Variants in SLC22A9 observed in about 807,000 individuals in gnomAD.
SLC22A9 encodes organic anion transporter 7.
SLC22A9 carries 64 observed loss-of-function variants against 50.1 expected under a neutral mutation model. The ratio of observed to expected loss-of-function variants is 1.28; its 90% CI spans 1.04 to 1.57. The LOEUF (loss-of-function observed/expected upper bound fraction) is 1.57. Ranked by LOEUF, SLC22A9 falls within the 40% of genes most tolerant of loss-of-function variation. SLC22A9 has a pLI of 0.00. For missense variants in SLC22A9, 757 were observed against 676.1 expected (o/e 1.12, Z -1.33); for synonymous variants, 261 against 242.5 (o/e 1.08, Z -0.71).
intron 7 of SLC22A9, 137 bp downstream of exon 7, chr11:63,406,848 T>A (rs979457204): frequency 2.0e-6 from 2 of 981,302 alleles, no homozygotes; most frequent in African/African-American, 3.3e-5. Flanking sequence ...ATCTGGGGAT[T>A]TGGGACAGAT....
At chr11:63,377,540 G>A (rs2014485749) in intron 5 of SLC22A9, among the ~76,000 whole-genome samples, 1 of 151,930 alleles carries the variant, frequency 6.6e-6, no homozygotes, top group Admixed American at 6.6e-5. Context: ...AGAATCTCTG[G>A]GACACAGCTA....
At chr11:63,404,446 A>T (rs757696469) in intron 6 of SLC22A9, among the ~76,000 whole-genome samples, 3 of 152,202 alleles carry the variant, frequency 2.0e-5, no homozygotes, top group Non-Finnish European at 2.9e-5. Context: ...TTTGTTAAGT[A>T]GGTAAATCTC....
chr11:63,404,768 T>C (rs1427845603), intron 6 of SLC22A9, among the ~76,000 whole-genome samples: 1 of 152,170 alleles, frequency 6.6e-6, no homozygotes, highest in East Asian at 1.9e-4. Context: ...TTGGGGCTCT[T>C]ATCCGACCCA....
intron 6 of SLC22A9, among the ~76,000 whole-genome samples, chr11:63,393,478 A>G (rs1304947867): frequency 6.6e-6 from 1 of 152,192 alleles, no homozygotes; most frequent in East Asian, 1.9e-4. Flanking sequence ...AGGAGTGGTG[A>G]GAGTGGGCAT....
chr11:63,372,834 A>G (rs1301342743), intron 2 of SLC22A9, among the ~76,000 whole-genome samples: 2 of 152,326 alleles, frequency 1.3e-5, no homozygotes, highest in East Asian at 1.9e-4. Flanking sequence ...GTAAACTTAC[A>G]TCCTGCCAAC....
intron 5 of SLC22A9, among the ~76,000 whole-genome samples, chr11:63,379,899 T>C (rs531796537): frequency 6.6e-6 from 1 of 152,248 alleles, no homozygotes; most frequent in African/African-American, 2.4e-5. Context: ...ACCTGACTAA[T>C]TTTTGTATTT....
chr11:63,397,610 A>G (rs7116264), intron 6 of SLC22A9, among the ~76,000 whole-genome samples: 1,866 of 152,106 alleles, frequency 0.012, 33 homozygotes, highest in African/African-American at 0.043. Context: ...AGTCTTTTCC[A>G]TTCTTCCCAC....
intron 6 of SLC22A9, among the ~76,000 whole-genome samples, chr11:63,391,457 A>C (rs991466486): frequency 5.9e-5 from 9 of 151,900 alleles, no homozygotes; most frequent in Admixed American, 1.3e-4. Flanking sequence ...ATTGGGGTAT[A>C]TCTCTCTCTT....
intron 6 of SLC22A9, among the ~76,000 whole-genome samples, chr11:63,392,131 G>T (rs1408496574): frequency 2.0e-5 from 3 of 151,888 alleles, no homozygotes; most frequent in Non-Finnish European, 4.4e-5. Flanking sequence ...TTTGTCTCCT[G>T]GCTTTTTAAC....
At chr11:63,391,131 A>C (rs1307214623) in intron 6 of SLC22A9, among the ~76,000 whole-genome samples, 1 of 152,088 alleles carries the variant, frequency 6.6e-6, no homozygotes, top group East Asian at 1.9e-4. Context: ...ATGATTTTCA[A>C]AATTCCTCTT....
chr11:63,408,179 T>G lies in SLC22A9; in HGVS notation c.1356T>G (p.Leu452=), dbSNP rs987373917. The G allele has an allele frequency of 1.2e-6, 2 of 1,613,638 alleles. No homozygotes were observed. The highest frequency in any genetic ancestry group is 2.7e-5 in the African/African-American group (2 of 74,914). The change falls in exon 8 of 10, where the codon CTT becomes CTG. Residue 452 remains leucine, a synonymous_variant. Coordinates refer to ENST00000279178, the MANE Select transcript of SLC22A9 (RefSeq NM_080866.3). Reference sequence around the variant, plus strand: ...GAGCGTCTGCTCTTGCCAATACCCTTGCTTTTGCCCATGGAAATGAAGTAA... The same window carrying G: ...GAGCGTCTGCTCTTGCCAATACCCTGGCTTTTGCCCATGGAAATGAAGTAA... The part of the protein sequence containing the change: ...GLGASALANT[L]AFAHGNEVIP...
chr11:63,378,837 A>T (rs758508937), intron 5 of SLC22A9, among the ~76,000 whole-genome samples: 2 of 152,168 alleles, frequency 1.3e-5, no homozygotes, highest in Non-Finnish European at 2.9e-5. Flanking sequence ...TACAATGAGA[A>T]CTACAAAGCA....
chr11:63,390,934 A>AT (rs1178102814), intron 6 of SLC22A9, among the ~76,000 whole-genome samples: 1 of 151,828 alleles, frequency 6.6e-6, no homozygotes, highest in Admixed American at 6.6e-5. Context: ...AGTTTATTCT[A>AT]TTTTTTTGAT....
rs770717652 is a variant in SLC22A9, at chr11:63,406,715, A to C, written c.1288+4A>C. ...GCCATCATATTTGTGCCACAAGGTGAGAAAAGATCACAGGTGGAAGAGAGA... is the reference window on the plus strand; with the variant it reads ...GCCATCATATTTGTGCCACAAGGTGCGAAAAGATCACAGGTGGAAGAGAGA... On this transcript the variant is annotated splice_donor_region_variant and intron_variant, in intron 7 of 9. Transcript: ENST00000279178. The C allele has an allele frequency of 6.2e-7, 1 of 1,613,000 alleles. No individual in the cohort carries two copies. The highest frequency in any genetic ancestry group is 1.3e-5 in the African/African-American group (1 of 74,988).
Position 63,410,058 on chromosome 11 carries a change from G to C in SLC22A9, c.*196G>C, listed in dbSNP as rs571161430. On this transcript the variant is annotated 3_prime_UTR_variant, in exon 10 of 10. Coordinates refer to ENST00000279178, the MANE Select transcript of SLC22A9 (RefSeq NM_080866.3). ...GATAAAGACCACCCTGGCCAACATG[G>C]TGAAACCCTGTCTCTACTAAAACAA... 21 of 475,866 alleles carry C rather than the reference G, an allele frequency of 4.4e-5. No individual in the cohort carries two copies. In the South Asian group the frequency reaches 4.5e-4, roughly 10 times the overall value. The allele number at this position is 475,866 out of a possible 1,614,324, so 29.5% of individuals were successfully genotyped here. A position where few individuals can be genotyped will look rare whatever the true frequency, so the allele number is the denominator to read the frequency against.
chr11:63,372,591 A>C (rs2014381869), intron 2 of SLC22A9, among the ~76,000 whole-genome samples: 4 of 152,118 alleles, frequency 2.6e-5, no homozygotes, highest in Admixed American at 2.6e-4. Context: ...AATTGCATTA[A>C]ATCTAAACAG....
At position 63,373,694 on chromosome 11, in the gene SLC22A9, T is replaced by C; in HGVS notation, c.557T>C (p.Val186Ala). The C allele has an allele frequency of 6.2e-7, 1 of 1,608,822 alleles. No individual in the cohort carries two copies. Among genetic ancestry groups the C allele is most frequent in the East Asian group, 2.2e-5 (1 of 44,822 alleles). ...TGGTGTTACCTCCAGGTTGCCATTG[T>C]TGGCACCTGTGCAGCCTTGGCTCCC... The part of the protein sequence containing the change: ...LRWCYLQVAI[V>A]GTCAALAPTF... Residue 186 changes from valine (V) to alanine (A), a missense_variant, in exon 3 of 10, where the codon GTT (valine) becomes GCT (alanine). By Grantham distance (64) the Val-to-Ala change is moderately conservative. Coordinates refer to ENST00000279178, the MANE Select transcript of SLC22A9 (RefSeq NM_080866.3).
intron 7 of SLC22A9, among the ~76,000 whole-genome samples, chr11:63,407,703 C>G (rs1227208388): frequency 6.6e-6 from 1 of 152,096 alleles, no homozygotes; most frequent in Non-Finnish European, 1.5e-5. Flanking sequence ...TGTGTATGTA[C>G]CTAGGTTTTA....
intron 6 of SLC22A9, among the ~76,000 whole-genome samples, chr11:63,386,119 G>A (rs2014660665): frequency 6.6e-6 from 1 of 152,118 alleles, no homozygotes; most frequent in Non-Finnish European, 1.5e-5. Flanking sequence ...TGTTGAACAA[G>A]CTTTGCATCT....
Sources: gnomAD v4.1 joint callset for allele counts (sites outside exome capture counted in the v4.1 genomes callset) on GRCh38, gnomAD v4.1.1 for gene constraint, MANE v1.5 for transcripts, NCBI Gene and HGNC (gene_info 2026-07-23, HGNC 2026-07-21) for gene names.